Variants in TMEM117 observed in about 807,000 individuals in gnomAD.
TMEM117 encodes the protein transmembrane protein 117.
TMEM117 carries 27 observed loss-of-function variants against 52.4 expected under a neutral mutation model. That is an observed-to-expected ratio of 0.51 (90% CI 0.38 to 0.71). The LOEUF (loss-of-function observed/expected upper bound fraction) is 0.71, where lower values mean the gene tolerates loss of function less well. TMEM117 is among the 30% of genes least tolerant of loss of function. The pLI is 0.00. For synonymous variants in TMEM117, 215 were observed against 206.3 expected, an observed-to-expected ratio of 1.04 and a Z score of -0.36; for missense variants, 556 against 630.5, an observed-to-expected ratio of 0.88 and a Z score of 1.26.
At chr12:43,964,487 C>A (rs953459881) in intron 3 of TMEM117, among the ~76,000 whole-genome samples, 1 of 152,334 alleles carries the variant, frequency 6.6e-6, no homozygotes, top group East Asian at 1.9e-4. Context: ...TTCTAACACA[C>A]AATGTCCTTC....
intron 2 of TMEM117, among the ~76,000 whole-genome samples, chr12:43,890,558 A>T (rs1944083955): frequency 6.6e-6 from 1 of 150,798 alleles, no homozygotes; most frequent in Non-Finnish European, 1.5e-5. Context: ...TTTGAGACGG[A>T]GTTTTGCTCG....
At chr12:43,943,422 T>C (rs1343086940) in intron 2 of TMEM117, among the ~76,000 whole-genome samples, 2 of 152,146 alleles carry the variant, frequency 1.3e-5, no homozygotes, top group Non-Finnish European at 2.9e-5. Context: ...TTACCATAAA[T>C]CAAAACATTT....
At chr12:43,982,714 T>C (rs546811604) in intron 3 of TMEM117, among the ~76,000 whole-genome samples, 1 of 152,296 alleles carries the variant, frequency 6.6e-6, no homozygotes, top group African/African-American at 2.4e-5. Flanking sequence ...TCACAATCTC[T>C]CCTGGGAGAT....
intron 3 of TMEM117, among the ~76,000 whole-genome samples, chr12:43,985,976 C>T (rs1254272924): frequency 2.0e-5 from 3 of 152,218 alleles, no homozygotes; most frequent in Non-Finnish European, 2.9e-5. Context: ...TGCAGTCCCA[C>T]GTCTTGTCTT....
At chr12:44,157,727 G>A (rs1313662115) in intron 4 of TMEM117, among the ~76,000 whole-genome samples, 1 of 152,104 alleles carries the variant, frequency 6.6e-6, no homozygotes, top group African/African-American at 2.4e-5. Flanking sequence ...TAAAAAGTTT[G>A]TGTTCTGTAA....
intron 5 of TMEM117, among the ~76,000 whole-genome samples, chr12:44,225,745 G>T (rs527985101): frequency 6.6e-6 from 1 of 152,074 alleles, no homozygotes; most frequent in African/African-American, 2.4e-5. Context: ...ATCCGTCCTC[G>T]CTGTAGCAGA....
intron 2 of TMEM117, among the ~76,000 whole-genome samples, chr12:43,942,493 T>G (rs1015259189): frequency 6.6e-6 from 1 of 152,204 alleles, no homozygotes; most frequent in African/African-American, 2.4e-5. Flanking sequence ...TTTGTTTTAG[T>G]AGAACGTTTT....
chr12:43,928,993 ATTG>A (rs1565755559), intron 2 of TMEM117, among the ~76,000 whole-genome samples: 1 of 151,602 alleles, frequency 6.6e-6, no homozygotes, highest in Non-Finnish European at 1.5e-5. Context: ...CCAGTCTATC[ATTG>A]TTGGACATTT....
chr12:43,894,503 G>T (rs1430715740), intron 2 of TMEM117, among the ~76,000 whole-genome samples: 2 of 151,484 alleles, frequency 1.3e-5, no homozygotes, highest in Non-Finnish European at 2.9e-5. Context: ...CATCACCCAG[G>T]TATTAAGCCT....
intron 3 of TMEM117, among the ~76,000 whole-genome samples, chr12:44,118,047 AAC>A (rs1948175018): frequency 1.3e-5 from 2 of 152,098 alleles, no homozygotes; most frequent in South Asian, 4.1e-4. Flanking sequence ...TTAAAAAAAA[AAC>A]ACGTACAGAG....
intron 5 of TMEM117, among the ~76,000 whole-genome samples, chr12:44,295,238 C>G (rs893536077): frequency 1.2e-4 from 18 of 152,114 alleles, no homozygotes; most frequent in African/African-American, 4.3e-4. Context: ...GGGTCTTGCT[C>G]TGTCACCCAG....
At chr12:44,051,126 A>C (rs1946964401) in intron 3 of TMEM117, among the ~76,000 whole-genome samples, 1 of 152,216 alleles carries the variant, frequency 6.6e-6, no homozygotes, top group African/African-American at 2.4e-5. Context: ...TATAAAATTC[A>C]GAGTGGGAAG....
chr12:44,177,286 G>A (rs1354735712), intron 4 of TMEM117, among the ~76,000 whole-genome samples: 2 of 152,010 alleles, frequency 1.3e-5, no homozygotes, highest in Non-Finnish European at 2.9e-5. Context: ...AAATATTATT[G>A]AGCATCCATT....
intron 3 of TMEM117, among the ~76,000 whole-genome samples, chr12:43,977,091 G>A (rs759678108): frequency 3.9e-5 from 6 of 152,176 alleles, no homozygotes; most frequent in Non-Finnish European, 8.8e-5. Flanking sequence ...CTAATAGAGT[G>A]TAGCAGGTGC....
chr12:44,354,362 C>CA (rs1451039519), intron 6 of TMEM117, among the ~76,000 whole-genome samples: 2 of 151,622 alleles, frequency 1.3e-5, no homozygotes, highest in African/African-American at 4.8e-5. Context: ...AGAAACACAA[C>CA]AAAAAAAGAG....
intron 4 of TMEM117, among the ~76,000 whole-genome samples, chr12:44,205,214 G>A (rs1210247457): frequency 6.6e-6 from 1 of 152,112 alleles, no homozygotes; most frequent in Admixed American, 6.6e-5. Context: ...ATTAATCATG[G>A]GGGCAGTTTC....
intron 5 of TMEM117, among the ~76,000 whole-genome samples, chr12:44,270,128 T>A (rs1247755909): frequency 6.6e-6 from 1 of 152,122 alleles, no homozygotes; most frequent in Non-Finnish European, 1.5e-5. Context: ...CACACCCAAA[T>A]AGCACAGTGT....
chr12:43,857,949 G>A (rs1400811982), intron 2 of TMEM117, among the ~76,000 whole-genome samples: 2 of 152,174 alleles, frequency 1.3e-5, no homozygotes, highest in African/African-American at 4.8e-5. Context: ...ATGTTGCCCT[G>A]CACGGTTCTG....
chr12:44,240,188 A>G (rs1042516109), intron 5 of TMEM117, among the ~76,000 whole-genome samples: 1 of 151,976 alleles, frequency 6.6e-6, no homozygotes, highest in African/African-American at 2.4e-5. Context: ...TAGATTCCCA[A>G]CCTCCTTATA....
Sources: gnomAD v4.1 joint callset for allele counts (sites outside exome capture counted in the v4.1 genomes callset) on GRCh38, gnomAD v4.1.1 for gene constraint, MANE v1.5 for transcripts, NCBI Gene and HGNC (gene_info 2026-07-23, HGNC 2026-07-21) for gene names.